The following DST variants were observed in gnomAD, a reference collection of about 807,000 sequenced individuals.
The protein encoded by DST is dystonin, also known as bullous pemphigoid antigen.
DST carries 253 observed loss-of-function variants against 875.2 expected under a neutral mutation model. The observed-to-expected ratio is 0.29, with a 90% CI of 0.26 to 0.32. The LOEUF is 0.32. DST is among the 10% of genes least tolerant of loss of function. The pLI, the probability that DST is intolerant of heterozygous loss-of-function variation, is 1.00. For synonymous variants in DST, 3,124 were observed against 3,197.1 expected (o/e 0.98, Z 0.77); for missense variants, 8,287 against 9,111.6 (o/e 0.91, Z 3.68).
At position 56,560,390 on chromosome 6, in the gene DST, T is replaced by C. The variant is rs758068790; in HGVS notation, c.14344A>G (p.Lys4782Glu). Residue 4782 changes from lysine (K) to glutamate (E), a missense_variant, in exon 58 of 104, where the codon AAA becomes GAA. Transcript: ENST00000680361. ...FEAELKQNVN[K>E]VQELKDKLTE... Reference sequence around the variant, plus strand: ...AATTTGTCTTTCAACTCCTGTACTTTGTTTACATTCTGCTTCAGTTCTGCC... The same window carrying C: ...AATTTGTCTTTCAACTCCTGTACTTCGTTTACATTCTGCTTCAGTTCTGCC... 1.2e-6 allele frequency: 2 copies of C among 1,603,722 alleles called. No individual in the cohort carries two copies. Among genetic ancestry groups the C allele is most frequent in the Admixed American group, 1.7e-5 (1 of 58,590 alleles).
At position 56,529,771 on chromosome 6, in the gene DST, AGG is replaced by A; in HGVS notation, c.17270_17271del (p.Ala5757ValfsTer4). The stretch of plus-strand genomic sequence containing the variant: ...TTGTGATTGATGATGTCATCTTCTA[AGG>A]CCTAAGCAAAGTTTAAAAAAATAAA... Reference protein sequence around the residue: ...KLEEQIAQHKALEDDIINHNK... With the variant: ...KLEEQIAQHKXLEDDIINHNK... On this transcript the variant is annotated frameshift_variant and splice_region_variant, in exon 66 of 104. Coordinates refer to ENST00000680361, the MANE Select transcript of DST (RefSeq NM_001374736.1). LOFTEE classifies it high-confidence loss of function. 1 of 1,543,774 alleles carries A rather than the reference AGG, an allele frequency of 6.5e-7. No homozygotes were observed. Among genetic ancestry groups the A allele is most frequent in the South Asian group, 1.3e-5 (1 of 79,866 alleles).
chr6:56,898,685 C>T (rs1434765568), intron 3 of DST, among the ~76,000 whole-genome samples: 3 of 152,220 alleles, frequency 2.0e-5, no homozygotes, highest in South Asian at 4.1e-4. Flanking sequence ...ACTGAGAATG[C>T]CATACCCTCC....
chr6:56,543,969 G>C (rs2097181294), intron 61 of DST, among the ~76,000 whole-genome samples: 1 of 152,150 alleles, frequency 6.6e-6, no homozygotes, highest in African/African-American at 2.4e-5. Flanking sequence ...CCATCATTAA[G>C]TTGACTAGAT....
chr6:56,535,320 T>C (rs752630556), intron 62 of DST, 28 bp from the exon 63 acceptor site: 13 of 1,547,176 alleles, frequency 8.4e-6, no homozygotes, highest in African/African-American at 2.8e-5. Context: ...TTTCCACTTA[T>C]TTATTTGTTT....
rs1160296672 is a variant in DST, at chr6:56,639,575, G to A, written c.2734C>T (p.Leu912Phe). Residue 912 changes from leucine to phenylalanine, a missense_variant, in exon 21 of 104, where the codon CTC becomes TTC. By Grantham distance (22) the Leu-to-Phe change is conservative. This residue lies in a region of DST where 1,160 missense variants were observed against 1,424.3 expected (regional missense o/e 0.81). Coordinates refer to ENST00000680361, the MANE Select transcript of DST (RefSeq NM_001374736.1). ...SRNQERHLDT[L>F]HNFVSRATNE... ...GTCGCACGACTTACAAAATTATGGA[G>A]TGTATCAAGGTGCCGTTCTTGATTC... is the stretch of plus-strand genomic sequence containing the variant. 1.2e-6 allele frequency: 2 copies of A among 1,613,784 alleles called. No individual in the cohort carries two copies. Among genetic ancestry groups the A allele is most frequent in the East Asian group, 2.2e-5 (1 of 44,836 alleles).
chr6:56,802,797 C>T lies in DST; in HGVS notation c.625+48600G>A, dbSNP rs746130304. Among the ~76,000 whole-genome samples, 50 of 152,222 alleles carry T rather than the reference C, an allele frequency of 3.3e-4. 1 individual carries two copies. Among genetic ancestry groups the T allele is most frequent in the Middle Eastern group, 6.8e-3 (2 of 294 alleles). On this transcript the variant is annotated intron_variant, in intron 4 of 103. Transcript: ENST00000680361. ...GTCTGCTTTTGAATGTTGTTTGCCACCTGGAAGCCAGCCAAACCAATATAA... is the reference window on the plus strand; with the variant it reads ...GTCTGCTTTTGAATGTTGTTTGCCATCTGGAAGCCAGCCAAACCAATATAA...
intron 4 of DST, among the ~76,000 whole-genome samples, chr6:56,791,573 C>T (rs374238844): frequency 1.3e-5 from 2 of 151,900 alleles, no homozygotes; most frequent in Admixed American, 6.6e-5. Context: ...GATCACTGAG[C>T]CCAGAAGTTC....
rs75521265 is a variant in DST, at chr6:56,649,724, T to C, written c.1435-1035A>G. 2.0e-3 allele frequency among the ~76,000 whole-genome samples: 303 copies of C among 152,312 alleles called. 1 individual carries two copies. Among genetic ancestry groups the C allele is most frequent in the African/African-American group, 7.2e-3 (299 of 41,560 alleles). ...ACATGTAGGTAAACAGAATAAATAT[T>C]TGCAGTTTTAAATGTCAGAATATCT... On this transcript the variant is annotated intron_variant, in intron 12 of 103. Coordinates refer to ENST00000680361, the MANE Select transcript of DST (RefSeq NM_001374736.1).
chr6:56,527,511 T>C lies in DST; in HGVS notation c.17904A>G (p.Gln5968=). 6.2e-7 allele frequency: 1 copy of C among 1,613,510 alleles called. No homozygotes were observed. Among genetic ancestry groups the C allele is most frequent in the Non-Finnish European group, 8.5e-7 (1 of 1,179,672 alleles). ...AGCTTACCTTTGGTCTCATTTGTGC[T>C]TGACTTGCTTCTTCTCCTTTCAGAA... ...TQVLKGEEAS[Q]AQMRPKELKK... The change falls in exon 68 of 104, where the codon CAA becomes CAG. Residue 5968 remains glutamine (Q), a synonymous_variant. Transcript: ENST00000680361.
chr6:56,558,338 C>T (rs1410884132), intron 58 of DST, among the ~76,000 whole-genome samples: 3 of 152,082 alleles, frequency 2.0e-5, no homozygotes, highest in Non-Finnish European at 4.4e-5. Context: ...GAGCTAACAT[C>T]ATCATGTTTT....
intron 99 of DST, among the ~76,000 whole-genome samples, chr6:56,464,994 T>G (rs1000907016): frequency 6.6e-6 from 1 of 152,206 alleles, no homozygotes; most frequent in African/African-American, 2.4e-5. Flanking sequence ...CAGAACACTA[T>G]GTATTCTGAT....
Position 56,553,639 on chromosome 6 carries a change from G to C in DST, c.15153C>G (p.His5051Gln). The C allele has an allele frequency of 2.5e-6, 4 of 1,612,708 alleles. No homozygotes were observed. Among genetic ancestry groups the C allele is most frequent in the South Asian group, 1.1e-5 (1 of 90,852 alleles). The change falls in exon 61 of 104, where the codon CAC (histidine) becomes CAG (glutamine). Residue 5051 changes from histidine (H) to glutamine (Q), a missense_variant. Coordinates refer to ENST00000680361, the MANE Select transcript of DST (RefSeq NM_001374736.1). ...VEQKAENHVQ[H>Q]LQSACASSHQ... ...GAGAGCTTGCACAGGCCGACTGAAG[G>C]TGCTGGACATGATTCTCTAGAAATA...
intron 4 of DST, among the ~76,000 whole-genome samples, chr6:56,766,448 G>T (rs1224171883): frequency 6.6e-6 from 1 of 151,916 alleles, no homozygotes; most frequent in Non-Finnish European, 1.5e-5. Context: ...TGTTTGGGAA[G>T]ATAGCACTGC....
rs766451991 is a variant in DST at position 56,552,185 on chromosome 6, T to C, written c.16607A>G (p.Lys5536Arg). 1 of 1,602,194 alleles carries C rather than the reference T, an allele frequency of 6.2e-7. No individual in the cohort carries two copies. Among genetic ancestry groups the C allele is most frequent in the African/African-American group, 1.3e-5 (1 of 74,340 alleles). Residue 5536 changes from lysine (K) to arginine (R), a missense_variant and splice_region_variant, in exon 61 of 104, where the codon AAG becomes AGG. By Grantham distance (26) the Lys-to-Arg change is conservative (BLOSUM62 2). Coordinates refer to ENST00000680361, the MANE Select transcript of DST (RefSeq NM_001374736.1). ...ETINQQLNMF[K>R]VFQKEEIEPL... ...GGGTAAAAATGAAGAGTTCCCTACC[T>C]TGAACATGTTAAGCTGCTGATTAAT...
chr6:56,735,556 T>TCACCACCACCACCACCAC (rs138864657), intron 4 of DST, among the ~76,000 whole-genome samples: 3,130 of 151,252 alleles, frequency 0.021, 94 homozygotes, highest in African/African-American at 0.061. Flanking sequence ...TAACCCCTCA[T>TCACCACCACCACCACCAC]CACCACCACC....
At chr6:56,950,937 G>A (rs1821969692) in intron 2 of DST, among the ~76,000 whole-genome samples, 1 of 152,182 alleles carries the variant, frequency 6.6e-6, no homozygotes, top group Admixed American at 6.5e-5. Flanking sequence ...CTGAAAAAAT[G>A]TGTTTATTAT....
At chr6:56,609,970 T>C (rs980031271) in intron 39 of DST, among the ~76,000 whole-genome samples, 3 of 152,180 alleles carry the variant, frequency 2.0e-5, no homozygotes, top group Admixed American at 6.5e-5. Flanking sequence ...TTTAAATGAT[T>C]TATACTTTAA....
chr6:56,839,060 A>C (rs2099796920), intron 4 of DST, among the ~76,000 whole-genome samples: 1 of 152,224 alleles, frequency 6.6e-6, no homozygotes, highest in Non-Finnish European at 1.5e-5. Context: ...AGGGCACTAA[A>C]TGAAGCCGGC....
chr6:56,819,841 G>A (rs1315685461), intron 4 of DST, among the ~76,000 whole-genome samples: 1 of 152,046 alleles, frequency 6.6e-6, no homozygotes, highest in Non-Finnish European at 1.5e-5. Context: ...TGAAGTCTGT[G>A]GTCTGTTTTC....
Sources: gnomAD v4.1 joint callset for allele counts (sites outside exome capture counted in the v4.1 genomes callset) on GRCh38, gnomAD v4.1.1 for gene constraint, gnomAD v4.1.1 regional missense constraint, MANE v1.5 for transcripts, NCBI Gene and HGNC (gene_info 2026-07-23, HGNC 2026-07-21) for gene names.